TNIK: variants seen among roughly 807,000 people sequenced by gnomAD.
TNIK encodes TRAF2 and NCK interacting kinase.
TNIK carries 49 observed loss-of-function variants against 191.3 expected under a neutral mutation model. The ratio of observed to expected loss-of-function variants is 0.26; its 90% CI spans 0.20 to 0.32. TNIK has a LOEUF of 0.32. Among genes scored for constraint, TNIK ranks in the 10% least tolerant of loss-of-function variants. The pLI, the probability that TNIK is intolerant of heterozygous loss-of-function variation, is 1.00. For missense variants in TNIK, 1,155 were observed against 1,702.3 expected, an observed-to-expected ratio of 0.68 and a Z score of 5.66; for synonymous variants, 594 against 600.9, an observed-to-expected ratio of 0.99 and a Z score of 0.17.
At chr3:171,096,533 T>C (rs1354649390) in intron 22 of TNIK, among the ~76,000 whole-genome samples, 5 of 152,190 alleles carry the variant, frequency 3.3e-5, no homozygotes, top group Non-Finnish European at 5.9e-5. Context: ...GCATTTAACT[T>C]ATAAAAGTTT....
chr3:171,226,346 G>C (rs1480040167), intron 3 of TNIK, among the ~76,000 whole-genome samples: 1 of 152,142 alleles, frequency 6.6e-6, no homozygotes, highest in African/African-American at 2.4e-5. Flanking sequence ...CATAAAGTGT[G>C]ATCAGTGGAA....
chr3:171,148,816 C>G (rs909561596), intron 12 of TNIK, among the ~76,000 whole-genome samples: 2 of 152,096 alleles, frequency 1.3e-5, no homozygotes, highest in Non-Finnish European at 2.9e-5. Context: ...CACAAGAACT[C>G]GAATCAACGA....
rs1309228112 is a variant in TNIK, at chr3:171,431,139, C to G, written c.57+28868G>C. On this transcript the variant is annotated intron_variant, in intron 1 of 32. Transcript: ENST00000436636. ...AAGAATCTTCTTTTGTAAGAACTTT[C>G]TTACAAAAGAAGAGCCCAAAATGAA... Among the ~76,000 whole-genome samples, 6 of 151,898 alleles carry G rather than the reference C, an allele frequency of 4.0e-5. No individual in the cohort carries two copies. The East Asian group carries it at 1.2e-3, about 29-fold the overall frequency.
chr3:171,201,849 G>A (rs1266736045), intron 4 of TNIK, among the ~76,000 whole-genome samples: 1 of 151,838 alleles, frequency 6.6e-6, no homozygotes, highest in African/African-American at 2.4e-5. Context: ...TATATTTTTC[G>A]ACTGGGAAAG....
chr3:171,406,820 G>C (rs578186448), intron 1 of TNIK, among the ~76,000 whole-genome samples: 22 of 152,342 alleles, frequency 1.4e-4, no homozygotes, highest in African/African-American at 5.3e-4. Context: ...CTTACAGATG[G>C]CCAGTAGAGG....
At chr3:171,342,118 A>G (rs1757595453) in intron 2 of TNIK, among the ~76,000 whole-genome samples, 1 of 152,240 alleles carries the variant, frequency 6.6e-6, no homozygotes, top group South Asian at 2.1e-4. Flanking sequence ...ATAAATTACG[A>G]AGACTAGATC....
chr3:171,108,709 GA>G (rs974709534), intron 19 of TNIK, among the ~76,000 whole-genome samples: 8 of 151,978 alleles, frequency 5.3e-5, no homozygotes, highest in Non-Finnish European at 8.8e-5. Context: ...TTTTGTGAGG[GA>G]AAAAAAATTT....
At chr3:171,257,585 C>T (rs1747044005) in intron 2 of TNIK, among the ~76,000 whole-genome samples, 1 of 152,310 alleles carries the variant, frequency 6.6e-6, no homozygotes, top group Non-Finnish European at 1.5e-5. Context: ...TGGAAAACAA[C>T]ATTCTAACGT....
intron 2 of TNIK, among the ~76,000 whole-genome samples, chr3:171,234,318 T>G (rs1269285626): frequency 6.6e-6 from 1 of 152,262 alleles, no homozygotes; most frequent in Non-Finnish European, 1.5e-5. Context: ...GGAGCCTTTG[T>G]GTTTCCTTGG....
rs139741781 is a variant in TNIK at position 171,381,815 on chromosome 3, C to G, written c.58-12130G>C. ...GGGTTCTTCTGTCTTCCTCCCTCCT[C>G]CTTCCTGCTGCCTGGAATGCAGATG... On this transcript the variant is annotated intron_variant, in intron 1 of 32. Transcript: ENST00000436636. 2.0e-3 allele frequency among the ~76,000 whole-genome samples: 306 copies of G among 152,302 alleles called. 1 individual carries two copies. Among genetic ancestry groups the G allele is most frequent in the Non-Finnish European group, 3.2e-3 (216 of 68,026 alleles).
At chr3:171,077,167 G>A (rs938700247) in intron 28 of TNIK, among the ~76,000 whole-genome samples, 2 of 143,484 alleles carry the variant, frequency 1.4e-5, no homozygotes, top group East Asian at 4.2e-4. Flanking sequence ...ATGGTCAAAC[G>A]CAGCAGGTCA....
At position 171,218,529 on chromosome 3, in the gene TNIK, T is replaced by C. The variant is rs1387061053; in HGVS notation, c.181-7288A>G. Among the ~76,000 whole-genome samples the C allele has an allele frequency of 2.1e-5, 3 of 145,474 alleles. No individual in the cohort carries two copies. The South Asian group carries it at 6.3e-4, about 31-fold the overall frequency. On this transcript the variant is annotated intron_variant, in intron 3 of 32. Transcript: ENST00000436636. ...ACAGCCCACAGGAATTGGAATGAGT[T>C]TTTTTTTTTTTTTCTGATAGTATAA...
At chr3:171,416,578 A>G (rs1272674564) in intron 1 of TNIK, among the ~76,000 whole-genome samples, 1 of 152,176 alleles carries the variant, frequency 6.6e-6, no homozygotes, top group East Asian at 1.9e-4. Flanking sequence ...ACTCTACAAT[A>G]TTTAAAGCCA....
Position 171,338,365 on chromosome 3 carries a change from A to T in TNIK, c.123+31255T>A, listed in dbSNP as rs369288236. On this transcript the variant is annotated intron_variant, in intron 2 of 32. Transcript: ENST00000436636. ...TAGGTTCATGACGTTAAGAAAGCTG[A>T]ACCTCACCAGAGAATGTGTAATATG... 2.0e-3 allele frequency among the ~76,000 whole-genome samples: 305 copies of T among 152,336 alleles called. 10 individuals carry two copies. The South Asian group carries it at 0.06, about 30-fold the overall frequency.
chr3:171,456,527 TG>T (rs1728816178), intron 1 of TNIK, among the ~76,000 whole-genome samples: 1 of 152,144 alleles, frequency 6.6e-6, no homozygotes, highest in African/African-American at 2.4e-5. Flanking sequence ...CTGAATAACA[TG>T]TATGTTTATA....
intron 3 of TNIK, among the ~76,000 whole-genome samples, chr3:171,227,509 G>A (rs74898220): frequency 0.015 from 2,301 of 152,126 alleles, 57 homozygotes; most frequent in African/African-American, 0.05. Context: ...TCACATCCTT[G>A]TTCTGCATTC....
intron 1 of TNIK, among the ~76,000 whole-genome samples, chr3:171,391,458 G>A (rs1719497801): frequency 6.6e-6 from 1 of 152,236 alleles, no homozygotes; most frequent in South Asian, 2.1e-4. Flanking sequence ...ATACCAGGAA[G>A]AGGAGGCAAC....
intron 2 of TNIK, among the ~76,000 whole-genome samples, chr3:171,317,341 C>A (rs1754743901): frequency 6.6e-6 from 1 of 152,136 alleles, no homozygotes; most frequent in Non-Finnish European, 1.5e-5. Flanking sequence ...TCACAGGCAT[C>A]TGGATAGCAG....
At chr3:171,194,500 G>T in intron 5 of TNIK, 25 bp downstream of exon 5, 1 of 1,596,290 alleles carries the variant, frequency 6.3e-7, no homozygotes, top group South Asian at 1.1e-5. Context: ...TTTGGGAGGT[G>T]GGCCAGTCCC....
Sources: allele counts gnomAD v4.1 joint callset (sites outside exome capture counted in the v4.1 genomes callset), GRCh38; gene constraint gnomAD v4.1.1; transcripts MANE v1.5; gene names NCBI Gene and HGNC (gene_info 2026-07-23, HGNC 2026-07-21).